Variants in NRG1 observed in about 807,000 individuals in gnomAD.
NRG1 encodes pro-neuregulin-1, membrane-bound isoform.
Under a neutral mutation model 63.8 loss-of-function variants are expected in NRG1, and 18 were observed. That is an observed-to-expected ratio of 0.28 (90% CI 0.19 to 0.42). The LOEUF (loss-of-function observed/expected upper bound fraction) is 0.42, where lower values mean the gene tolerates loss of function less well. NRG1 is among the 10% of genes least tolerant of loss of function. The pLI, the probability that NRG1 is intolerant of heterozygous loss-of-function variation, is 1.00. For missense variants in NRG1, 762 were observed against 814.7 expected (o/e 0.94, Z 0.79); for synonymous variants, 302 against 301.3 (o/e 1.00, Z -0.02).
At chr8:32,393,669 G>A (rs1380096958) in intron 1 of NRG1, among the ~76,000 whole-genome samples, 4 of 152,090 alleles carry the variant, frequency 2.6e-5, no homozygotes, top group African/African-American at 9.7e-5. Context: ...ACTTACAAAT[G>A]GGAGCTAAAT....
At chr8:31,859,039 T>TCCTGC in intron 1 of NRG1, among the ~76,000 whole-genome samples, 2 of 152,132 alleles carry the variant, frequency 1.3e-5, no homozygotes, top group Non-Finnish European at 2.9e-5. Flanking sequence ...TTATTTCTCA[T>TCCTGC]TGGCAAAAAA....
intron 1 of NRG1, among the ~76,000 whole-genome samples, chr8:32,197,257 C>T (rs999112892): frequency 2.6e-5 from 4 of 152,086 alleles, no homozygotes; most frequent in African/African-American, 9.7e-5. Context: ...CCACCACGCC[C>T]AGCCTAGAAC....
intron 1 of NRG1, among the ~76,000 whole-genome samples, chr8:32,400,694 G>A (rs181937136): frequency 2.4e-4 from 37 of 152,326 alleles, no homozygotes; most frequent in Non-Finnish European, 4.7e-4. Context: ...TGGTGGGACT[G>A]TAAATCAGTT....
intron 1 of NRG1, among the ~76,000 whole-genome samples, chr8:32,501,932 G>T (rs2129496845): frequency 6.6e-6 from 1 of 152,266 alleles, no homozygotes; most frequent in East Asian, 1.9e-4. Flanking sequence ...TTCAAGACCA[G>T]CCTAGGCAAT....
At chr8:31,992,718 A>C (rs1322524832) in intron 1 of NRG1, among the ~76,000 whole-genome samples, 5 of 152,036 alleles carry the variant, frequency 3.3e-5, no homozygotes. Context: ...TTTATTAATT[A>C]ATAAAAGACA....
chr8:31,785,454 T>C (rs1820080725), intron 1 of NRG1, among the ~76,000 whole-genome samples: 2 of 152,144 alleles, frequency 1.3e-5, no homozygotes, highest in African/African-American at 4.8e-5. Flanking sequence ...AAGACAGCCA[T>C]ATTATTTTGG....
At chr8:32,444,079 C>G (rs149668879) in intron 1 of NRG1, among the ~76,000 whole-genome samples, 2 of 149,556 alleles carry the variant, frequency 1.3e-5, no homozygotes, top group Non-Finnish European at 3.0e-5. Flanking sequence ...TCTTCCCTCC[C>G]TCCCTCCCTC....
intron 1 of NRG1, among the ~76,000 whole-genome samples, chr8:32,127,869 G>T (rs1834306073): frequency 6.6e-6 from 1 of 151,740 alleles, no homozygotes; most frequent in Admixed American, 6.6e-5. Flanking sequence ...AGGCTGTAGT[G>T]TGCCATGGTA....
At chr8:31,914,567 G>A (rs62510599) in intron 1 of NRG1, among the ~76,000 whole-genome samples, 37,462 of 151,944 alleles carry the variant, frequency 0.25, 5,859 homozygotes, top group East Asian at 0.69. Flanking sequence ...TCGTAGATCT[G>A]CTAATGGTAT....
intron 1 of NRG1, among the ~76,000 whole-genome samples, chr8:32,140,415 C>T (rs1836094934): frequency 6.6e-6 from 1 of 151,772 alleles, no homozygotes; most frequent in Admixed American, 6.6e-5. Context: ...CTTGGTTTCT[C>T]TTTGTTGCTC....
chr8:32,220,864 A>G (rs773483878), intron 1 of NRG1: 5 of 152,268 alleles, frequency 3.3e-5, no homozygotes, highest in African/African-American at 9.6e-5. Flanking sequence ...GGTAGAGCCA[A>G]TCATGGTCGG....
chr8:31,998,542 T>C (rs1024342899), intron 1 of NRG1, among the ~76,000 whole-genome samples: 9 of 152,010 alleles, frequency 5.9e-5, no homozygotes, highest in African/African-American at 2.2e-4. Context: ...TAGTGCATGC[T>C]GTAACTGTAT....
chr8:32,683,677 A>C (rs1454049519), intron 5 of NRG1, among the ~76,000 whole-genome samples: 1 of 152,050 alleles, frequency 6.6e-6, no homozygotes, highest in Non-Finnish European at 1.5e-5. Flanking sequence ...AACCCTTCCT[A>C]CTTTTTAAGA....
At chr8:31,893,711 C>T (rs961190853) in intron 1 of NRG1, among the ~76,000 whole-genome samples, 2 of 151,532 alleles carry the variant, frequency 1.3e-5, no homozygotes, top group African/African-American at 4.8e-5. Flanking sequence ...TCTTTAAAGG[C>T]TAATATTAAT....
chr8:31,760,624 A>G (rs989308824), intron 1 of NRG1, among the ~76,000 whole-genome samples: 3 of 152,196 alleles, frequency 2.0e-5, no homozygotes, highest in African/African-American at 7.2e-5. Flanking sequence ...AAACAACCCC[A>G]TCAAAAAGTG....
At chr8:32,003,133 G>C (rs533206896) in intron 1 of NRG1, among the ~76,000 whole-genome samples, 1 of 152,104 alleles carries the variant, frequency 6.6e-6, no homozygotes, top group South Asian at 2.1e-4. Flanking sequence ...TTTACCTTCA[G>C]TGAGGTTGTA....
chr8:32,354,843 A>C (rs1806152277), intron 1 of NRG1, among the ~76,000 whole-genome samples: 1 of 151,218 alleles, frequency 6.6e-6, no homozygotes, highest in Admixed American at 6.6e-5. Flanking sequence ...TTAACAGAAG[A>C]GATTCAAAAG....
chr8:32,069,948 T>TAGAG (rs1825507663), intron 1 of NRG1, among the ~76,000 whole-genome samples: 1 of 152,162 alleles, frequency 6.6e-6, no homozygotes, highest in African/African-American at 2.4e-5. Flanking sequence ...GGAATGTAAT[T>TAGAG]AGAGCAGTTC....
intron 1 of NRG1, among the ~76,000 whole-genome samples, chr8:32,134,801 G>A (rs1835294199): frequency 6.6e-6 from 1 of 152,104 alleles, no homozygotes; most frequent in South Asian, 2.1e-4. Context: ...AGGATAGCTT[G>A]AGCCCAGGAG....
Sources: gnomAD v4.1 joint callset for allele counts (sites outside exome capture counted in the v4.1 genomes callset) on GRCh38, gnomAD v4.1.1 for gene constraint, MANE v1.5 for transcripts, NCBI Gene and HGNC (gene_info 2026-07-23, HGNC 2026-07-21) for gene names.